The following DST variants were observed in gnomAD, a reference collection of about 807,000 sequenced individuals.
DST encodes bullous pemphigoid antigen.
In DST, 253 loss-of-function variants were observed where a neutral mutation model predicts 875.2. That is an observed-to-expected ratio of 0.29 (90% CI 0.26 to 0.32). The LOEUF (loss-of-function observed/expected upper bound fraction) is 0.32. Among genes scored for constraint, DST ranks in the 10% least tolerant of loss-of-function variants. The probability of loss-of-function intolerance (pLI) is 1.00; values close to 1 mark genes in which losing one functional copy is unlikely to be tolerated. For synonymous variants in DST, 3,124 were observed against 3,197.1 expected, an observed-to-expected ratio of 0.98 and a Z score of 0.77; for missense variants, 8,287 against 9,111.6, an observed-to-expected ratio of 0.91 and a Z score of 3.68.
intron 58 of DST, among the ~76,000 whole-genome samples, chr6:56,558,314 T>A (rs1357628081): frequency 6.6e-6 from 1 of 152,150 alleles, no homozygotes; most frequent in Non-Finnish European, 1.5e-5. Flanking sequence ...TTTAACACAA[T>A]CCATCCAGGT....
At chr6:56,742,989 A>G (rs1563966583) in intron 4 of DST, among the ~76,000 whole-genome samples, 1 of 152,230 alleles carries the variant, frequency 6.6e-6, no homozygotes, top group Non-Finnish European at 1.5e-5. Context: ...ATCTAGCCTA[A>G]AATTCCACAG....
In DST at chr6:56,851,489, G is replaced by A; in HGVS notation, c.533C>T (p.Pro178Leu). The A allele has an allele frequency of 6.2e-7, 1 of 1,614,030 alleles. No individual in the cohort carries two copies. The stretch of plus-strand genomic sequence containing the variant: ...TCTCTCATGTTTAGGCAAATTCCAG[G>A]GTAAGGTGTCTCCCGGAGCTGGGGA... ...SASPAPGDTL[P>L]WNLPKHERSK... The change falls in exon 4 of 104, where the codon CCC (proline) becomes CTC (leucine). Residue 178 changes from proline to leucine, a missense_variant. Physicochemically the swap from Pro to Leu is moderately conservative, Grantham distance 98. This residue lies in a region of DST where 1,160 missense variants were observed against 1,424.3 expected (regional missense o/e 0.81). Transcript: ENST00000680361.
rs369645410 is a variant in DST at position 56,614,519 on chromosome 6, G to C, written c.4930-35C>G. The C allele has an allele frequency of 1.3e-4, 206 of 1,536,432 alleles. No homozygotes were observed. The African/African-American group carries it at 2.5e-3, about 18-fold the overall frequency. On this transcript the variant is annotated intron_variant, in intron 36 of 103. Transcript: ENST00000680361. ...GTGAGCGGTAAGAAAAATATACACT[G>C]CATTAAATGACTTAGCTATTAAACT... is the stretch of plus-strand genomic sequence containing the variant.
chr6:56,644,028 T>C (rs370636934), intron 15 of DST, among the ~76,000 whole-genome samples: 8 of 152,336 alleles, frequency 5.3e-5, no homozygotes, highest in African/African-American at 1.4e-4. Flanking sequence ...TCTAACATCA[T>C]ACAACTTTGC....
chr6:56,696,253 C>T (rs1330152554), intron 9 of DST, among the ~76,000 whole-genome samples: 1 of 152,170 alleles, frequency 6.6e-6, no homozygotes, highest in Non-Finnish European at 1.5e-5. Flanking sequence ...ACCTCTGCCT[C>T]CTGGGTTCAA....
At chr6:56,572,696 C>T in intron 52 of DST, 51 bp downstream of exon 52, 1 of 1,376,888 alleles carries the variant, frequency 7.3e-7, no homozygotes, top group South Asian at 1.6e-5. Context: ...ATGAGTTTGC[C>T]CTAACTATTA....
intron 4 of DST, among the ~76,000 whole-genome samples, chr6:56,768,690 G>C (rs903410757): frequency 6.6e-6 from 1 of 152,024 alleles, no homozygotes; most frequent in African/African-American, 2.4e-5. Context: ...AAAAACATAG[G>C]TTGGATTCAT....
At chr6:56,676,310 T>G (rs1357882353) in intron 9 of DST, among the ~76,000 whole-genome samples, 1 of 152,190 alleles carries the variant, frequency 6.6e-6, no homozygotes, top group Non-Finnish European at 1.5e-5. Flanking sequence ...TCAGGTGATC[T>G]ACCTGCCTCA....
intron 63 of DST, among the ~76,000 whole-genome samples, chr6:56,534,171 T>C (rs942265101): frequency 6.6e-6 from 1 of 152,158 alleles, no homozygotes; most frequent in Non-Finnish European, 1.5e-5. Flanking sequence ...AAAGAGAAAT[T>C]TAAAATGTTG....
chr6:56,501,047 GAAGAA>G (rs770911304), intron 80 of DST, 28 bp downstream of exon 80: 1 of 1,600,708 alleles, frequency 6.2e-7, no homozygotes, highest in Non-Finnish European at 8.5e-7. Context: ...AATGGACAGA[GAAGAA>G]ACATAACATG....
rs763603436 is a variant in DST at position 56,492,983 on chromosome 6, C to G, written c.20501G>C (p.Arg6834Pro). The change falls in exon 84 of 104, where the codon CGG becomes CCG. Residue 6834 changes from arginine to proline, a missense_variant. By Grantham distance (103) the Arg-to-Pro change is moderately radical (BLOSUM62 -2). Transcript: ENST00000680361. ...QAEQTLNVAS[R>P]PSLILDTVLF... Reference sequence around the variant, plus strand: ...GACTGTGTCCAAGATGAGACTTGGCCGAGAAGCTACATTTAGGGTCTGTTC... The same window carrying G: ...GACTGTGTCCAAGATGAGACTTGGCGGAGAAGCTACATTTAGGGTCTGTTC... 6.2e-7 allele frequency: 1 copy of G among 1,611,946 alleles called. No individual in the cohort carries two copies.
At chr6:56,591,155 T>C (rs2152683394) in intron 49 of DST, among the ~76,000 whole-genome samples, 1 of 152,376 alleles carries the variant, frequency 6.6e-6, no homozygotes, top group East Asian at 1.9e-4. Flanking sequence ...GTCACATTAG[T>C]TCTCATCCTT....
intron 28 of DST, 101 bp downstream of exon 28, chr6:56,632,753 G>A (rs2152761916): frequency 1.1e-6 from 1 of 910,032 alleles, no homozygotes; most frequent in Non-Finnish European, 1.8e-6. Context: ...TCATAGGCTG[G>A]GTGATACAAT....
intron 10 of DST, among the ~76,000 whole-genome samples, chr6:56,652,919 C>A (rs2098984478): frequency 6.6e-6 from 1 of 152,210 alleles, no homozygotes; most frequent in African/African-American, 2.4e-5. Flanking sequence ...TCTGAAGAAT[C>A]TGCCAACCTC....
At chr6:56,911,189 GGGAGGAAGGGAA>G (rs1201808391) in intron 2 of DST, among the ~76,000 whole-genome samples, 1 of 152,184 alleles carries the variant, frequency 6.6e-6, no homozygotes, top group Admixed American at 6.5e-5. Context: ...GAGGCTGCAA[GGGAGGAAGGGAA>G]GGAGGAAGGG....
intron 9 of DST, among the ~76,000 whole-genome samples, chr6:56,697,839 C>T (rs1291267832): frequency 2.0e-5 from 3 of 152,232 alleles, no homozygotes; most frequent in Non-Finnish European, 4.4e-5. Context: ...CTTAGGACTA[C>T]TTAAATGATC....
intron 2 of DST, among the ~76,000 whole-genome samples, chr6:56,931,580 C>T (rs1810221150): frequency 6.6e-6 from 1 of 152,208 alleles, no homozygotes; most frequent in Non-Finnish European, 1.5e-5. Flanking sequence ...TCAACACTAG[C>T]CTGTGAAAGC....
At chr6:56,641,764 A>T (rs1416095999) in intron 17 of DST, among the ~76,000 whole-genome samples, 183 bp downstream of exon 17, 2 of 152,210 alleles carry the variant, frequency 1.3e-5, no homozygotes, top group Non-Finnish European at 2.9e-5. Context: ...TTCTATTGCT[A>T]ATCTTTAAAA....
chr6:56,529,903 A>G (rs147613884), intron 65 of DST, 71 bp downstream of exon 65: 1 of 1,572,456 alleles, frequency 6.4e-7, no homozygotes, highest in Non-Finnish European at 8.6e-7. Context: ...ACAATAGTAC[A>G]TAACTCAAAT....
Sources: allele counts gnomAD v4.1 joint callset (sites outside exome capture counted in the v4.1 genomes callset), GRCh38; gene constraint gnomAD v4.1.1; regional missense constraint gnomAD v4.1.1; transcripts MANE v1.5; gene names NCBI Gene and HGNC (gene_info 2026-07-23, HGNC 2026-07-21).